GRAMD1B: variants seen among roughly 807,000 people sequenced by gnomAD.
The protein encoded by GRAMD1B is GRAM domain containing 1B.
GRAMD1B carries 37 observed loss-of-function variants against 99.7 expected under a neutral mutation model. That is an observed-to-expected ratio of 0.37 (90% CI 0.29 to 0.49). GRAMD1B has a LOEUF of 0.49. Ranked by LOEUF, GRAMD1B falls within the 20% of genes least tolerant of loss-of-function variation. The pLI is 0.98. For missense variants in GRAMD1B, 888 were observed against 1,009.2 expected (o/e 0.88, Z 1.63); for synonymous variants, 427 against 387.6 (o/e 1.10, Z -1.19).
chr11:123,390,746 G>A (rs1947248399), intron 1 of GRAMD1B, among the ~76,000 whole-genome samples: 2 of 152,092 alleles, frequency 1.3e-5, no homozygotes, highest in South Asian at 4.1e-4. Context: ...CTTTCAACTG[G>A]TTGATAGTGG....
chr11:123,444,043 T>G (rs1039831575), intron 1 of GRAMD1B, among the ~76,000 whole-genome samples: 1 of 152,162 alleles, frequency 6.6e-6, no homozygotes, highest in African/African-American at 2.4e-5. Context: ...TTAGAGACAA[T>G]GGATGGCCAG....
intron 2 of GRAMD1B, among the ~76,000 whole-genome samples, chr11:123,515,549 G>A (rs1300538499): frequency 6.6e-6 from 1 of 152,108 alleles, no homozygotes; most frequent in Non-Finnish European, 1.5e-5. Context: ...TATAGGATGA[G>A]GTCTTAGAAC....
intron 2 of GRAMD1B, among the ~76,000 whole-genome samples, chr11:123,515,643 C>A (rs1941599492): frequency 6.6e-6 from 1 of 152,136 alleles, no homozygotes; most frequent in African/African-American, 2.4e-5. Context: ...ACAGAATTAC[C>A]AGTTATTTAT....
At chr11:123,622,178 G>A (rs1197016328) in intron 19 of GRAMD1B, among the ~76,000 whole-genome samples, 1 of 151,896 alleles carries the variant, frequency 6.6e-6, no homozygotes, top group Admixed American at 6.6e-5. Flanking sequence ...ATATCACAAA[G>A]CCTGGCTATA....
At chr11:123,538,276 C>A (rs1298956544) in intron 2 of GRAMD1B, among the ~76,000 whole-genome samples, 16 of 152,070 alleles carry the variant, frequency 1.1e-4, no homozygotes, top group Admixed American at 1.0e-3. Flanking sequence ...GCAGTGTCTC[C>A]CTGACTTATA....
At chr11:123,527,126 G>A (rs1942859075) in intron 2 of GRAMD1B, among the ~76,000 whole-genome samples, 1 of 152,174 alleles carries the variant, frequency 6.6e-6, no homozygotes, top group Non-Finnish European at 1.5e-5. Flanking sequence ...GAGCTTGGGA[G>A]AGCTCCCAGC....
chr11:123,612,632 G>A (rs191730921), intron 14 of GRAMD1B, 129 bp from the exon 15 acceptor site: 1 of 702,362 alleles, frequency 1.4e-6, no homozygotes. Context: ...GGATGTGGAA[G>A]GACCTTTTAA....
exon 1 of GRAMD1B, chr11:123,358,510 C>G (rs2135655883): frequency 6.6e-6 from 1 of 152,278 alleles, no homozygotes; most frequent in Non-Finnish European, 1.5e-5. Flanking sequence ...GCGGCTCCCG[C>G]CCCGCCTGGG....
At chr11:123,452,898 G>C (rs1395964267) in intron 1 of GRAMD1B, among the ~76,000 whole-genome samples, 1 of 152,202 alleles carries the variant, frequency 6.6e-6, no homozygotes, top group East Asian at 1.9e-4. Context: ...CAGGAAAGAA[G>C]GGGTAGGGAA....
At chr11:123,524,144 G>A (rs1942457980) in intron 2 of GRAMD1B, among the ~76,000 whole-genome samples, 1 of 152,172 alleles carries the variant, frequency 6.6e-6, no homozygotes, top group Middle Eastern at 3.4e-3. Flanking sequence ...TTAAACGCTT[G>A]CTTATAGTAC....
intron 2 of GRAMD1B, among the ~76,000 whole-genome samples, chr11:123,561,698 G>C (rs1048483205): frequency 6.6e-6 from 1 of 152,186 alleles, no homozygotes; most frequent in Admixed American, 6.5e-5. Context: ...ACTGTGCTCC[G>C]GGGAGACCCC....
At chr11:123,499,786 T>C (rs1204480547) in intron 2 of GRAMD1B, among the ~76,000 whole-genome samples, 2 of 152,216 alleles carry the variant, frequency 1.3e-5, no homozygotes, top group Non-Finnish European at 2.9e-5. Context: ...AAAAGCTCTC[T>C]TGTGTCTTTT....
At chr11:123,410,700 A>T (rs1591460281) in intron 1 of GRAMD1B, among the ~76,000 whole-genome samples, 2 of 152,132 alleles carry the variant, frequency 1.3e-5, no homozygotes, top group South Asian at 4.1e-4. Flanking sequence ...GACAAAGAAG[A>T]TCTAGAAAGA....
At chr11:123,368,679 CAAAAAA>C (rs58877377) in intron 1 of GRAMD1B, among the ~76,000 whole-genome samples, 320 of 78,064 alleles carry the variant, frequency 4.1e-3, no homozygotes, top group African/African-American at 0.013. Context: ...GACTCTGTCT[CAAAAAA>C]AAAAAAAAAA....
chr11:123,598,215 G>C, intron 7 of GRAMD1B: 1 of 1,401,970 alleles, frequency 7.1e-7, no homozygotes, highest in Non-Finnish European at 1.0e-6. Context: ...GGTAGGTGTA[G>C]TTTCCACAGA....
chr11:123,466,349 GGAAA>G (rs1466091684), intron 1 of GRAMD1B, among the ~76,000 whole-genome samples: 1 of 106,500 alleles, frequency 9.4e-6, no homozygotes, highest in African/African-American at 3.9e-5. Flanking sequence ...AAGGAAGGAA[GGAAA>G]GAAGGAAGGA....
At chr11:123,467,841 C>CCCTCCCTTCCTT (rs1555127666) in intron 1 of GRAMD1B, among the ~76,000 whole-genome samples, 6 of 109,372 alleles carry the variant, frequency 5.5e-5, no homozygotes, top group South Asian at 4.2e-4. Context: ...CTCCCTCCCT[C>CCCTCCCTTCCTT]CCTTCCTTCC....
intron 2 of GRAMD1B, among the ~76,000 whole-genome samples, chr11:123,545,468 C>T (rs1348655839): frequency 2.0e-5 from 3 of 152,106 alleles, no homozygotes; most frequent in Middle Eastern, 3.2e-3. Flanking sequence ...TGCCTGGGGC[C>T]CATGAATTTG....
chr11:123,607,917 G>A (rs954389007), intron 11 of GRAMD1B: 5 of 152,368 alleles, frequency 3.3e-5, no homozygotes, highest in Non-Finnish European at 7.3e-5. Flanking sequence ...GAAATTCCCT[G>A]GCTGGCAATC....
Sources: allele counts gnomAD v4.1 joint callset (sites outside exome capture counted in the v4.1 genomes callset), GRCh38; gene constraint gnomAD v4.1.1; transcripts MANE v1.5; gene names NCBI Gene and HGNC (gene_info 2026-07-23, HGNC 2026-07-21).